MORC3: variants seen among roughly 807,000 people sequenced by gnomAD.
MORC3 encodes MORC family CW-type zinc finger 3.
In MORC3, 31 loss-of-function variants were observed where a neutral mutation model predicts 109.1. The observed-to-expected ratio is 0.28, with a 90% CI of 0.21 to 0.38. The LOEUF (loss-of-function observed/expected upper bound fraction) is 0.38, where lower values mean the gene tolerates loss of function less well. MORC3 is among the 10% of genes least tolerant of loss of function. MORC3 has a pLI of 1.00. For synonymous variants in MORC3, 395 were observed against 380.7 expected (o/e 1.04, Z -0.44); for missense variants, 867 against 1,135.8 (o/e 0.76, Z 3.40).
chr21:36,363,560 T>C (rs917818513), intron 13 of MORC3, among the ~76,000 whole-genome samples: 9 of 152,376 alleles, frequency 5.9e-5, no homozygotes, highest in East Asian at 3.9e-4. Context: ...TGACAGTCTG[T>C]TTTATCATAA....
chr21:36,343,641 G>T (rs751240593), intron 6 of MORC3, among the ~76,000 whole-genome samples: 1 of 150,444 alleles, frequency 6.6e-6, no homozygotes, highest in African/African-American at 2.4e-5. Flanking sequence ...TAGAGACAGG[G>T]TTTCACTATG....
rs532301653 is a variant in MORC3, at chr21:36,333,432, C to T, written c.40-214C>T. 6 of 564,792 alleles carry T rather than the reference C, an allele frequency of 1.1e-5. No individual in the cohort carries two copies. The East Asian group carries it at 1.8e-4, about 16-fold the overall frequency. The allele number at this position is 564,792 out of a possible 1,614,324, so 35.0% of individuals were successfully genotyped here. On this transcript the variant is annotated intron_variant, in intron 1 of 16. Transcript: ENST00000400485. ...ACATAAAGAGGGCAAGGGTTTTGAACCAAGTCTTGGTGAGTAAGCTGTTTA... is the reference window on the plus strand; with the variant it reads ...ACATAAAGAGGGCAAGGGTTTTGAATCAAGTCTTGGTGAGTAAGCTGTTTA...
At position 36,351,003 on chromosome 21, in the gene MORC3, C is replaced by T. The variant is rs553859276; in HGVS notation, c.1103+1595C>T. Reference sequence around the variant, plus strand: ...TTAGGAACATTCCAATTTTACTCTTCTAGTTACTTTGAAATATATATATAA... The same window carrying T: ...TTAGGAACATTCCAATTTTACTCTTTTAGTTACTTTGAAATATATATATAA... On this transcript the variant is annotated intron_variant, in intron 9 of 16. Transcript: ENST00000400485. 6.9e-5 allele frequency among the ~76,000 whole-genome samples: 10 copies of T among 144,736 alleles called. No homozygotes were observed. The South Asian group carries it at 2.2e-3, about 32-fold the overall frequency. The allele number at this position is 144,736 out of a possible 152,430, so 95.0% of individuals were successfully genotyped here.
intron 1 of MORC3, among the ~76,000 whole-genome samples, chr21:36,326,372 A>G (rs1423163265): frequency 6.6e-6 from 1 of 152,038 alleles, no homozygotes; most frequent in Non-Finnish European, 1.5e-5. Flanking sequence ...AAAAATAAAA[A>G]AAAATTAGCC....
intron 1 of MORC3, among the ~76,000 whole-genome samples, chr21:36,323,898 G>C (rs549126521): frequency 6.7e-6 from 1 of 150,312 alleles, no homozygotes; most frequent in African/African-American, 2.4e-5. Flanking sequence ...TTTTAGAGAC[G>C]GAGTTTCGCT....
chr21:36,356,552 A>G (rs1173708371), intron 9 of MORC3, 68 bp from the exon 10 acceptor site: 3 of 997,462 alleles, frequency 3.0e-6, no homozygotes, highest in East Asian at 5.1e-5. Context: ...CTATGTACTC[A>G]TTACTAGATT....
chr21:36,324,065 G>A (rs2085221943), intron 1 of MORC3, among the ~76,000 whole-genome samples: 1 of 151,778 alleles, frequency 6.6e-6, no homozygotes, highest in South Asian at 2.1e-4. Flanking sequence ...AGTAGAGATG[G>A]GGTTTCTCCA....
rs745842823 is a variant in MORC3, at chr21:36,334,621, CA to C, written c.112+907del. ...GGCAGAATTATGTTTATTAGTAGTA[CA>C]AAAGTATGTGTAACATACAGCATGG... On this transcript the variant is annotated intron_variant, in intron 2 of 16. Transcript: ENST00000400485. Among the ~76,000 whole-genome samples, 13 of 151,990 alleles carry C rather than the reference CA, an allele frequency of 8.6e-5. No homozygotes were observed. In the South Asian group the frequency reaches 2.1e-3, roughly 24 times the overall value.
Position 36,362,168 on chromosome 21 carries a change from A to C in MORC3, c.1407-15A>C. 1 of 1,612,554 alleles carries C rather than the reference A, an allele frequency of 6.2e-7. No homozygotes were observed. The highest frequency in any genetic ancestry group is 1.1e-5 in the South Asian group (1 of 90,832). ...ATTGAGAAATAACAACATGTTTTTC[A>C]TCTTTATTTTAAAGCAACAAGGAAA... On this transcript the variant is annotated splice_polypyrimidine_tract_variant and intron_variant, in intron 12 of 16. Transcript: ENST00000400485.
intron 1 of MORC3, among the ~76,000 whole-genome samples, chr21:36,332,516 G>T (rs1017139143): frequency 1.3e-5 from 2 of 152,176 alleles, no homozygotes; most frequent in African/African-American, 4.8e-5. Flanking sequence ...AATATTTATG[G>T]ACAAAACAAA....
At chr21:36,373,623 CAA>C (rs924131996) in intron 16 of MORC3, among the ~76,000 whole-genome samples, 4 of 117,394 alleles carry the variant, frequency 3.4e-5, no homozygotes, top group Non-Finnish European at 3.7e-5. Context: ...AACTCCGTCT[CAA>C]AAAAAAAAAA....
Position 36,352,847 on chromosome 21 carries a change from G to A in MORC3, c.1103+3439G>A, listed in dbSNP as rs766320403. ...AAGCTGGGAATGGTGGCACACATCT[G>A]TAGTCCCAGCTACTCAGGATGCTCG... On this transcript the variant is annotated intron_variant, in intron 9 of 16. Coordinates refer to ENST00000400485, the MANE Select transcript of MORC3 (RefSeq NM_015358.3). Among the ~76,000 whole-genome samples, 60 of 151,952 alleles carry A rather than the reference G, an allele frequency of 3.9e-4. 2 individuals carry two copies. The highest frequency in any genetic ancestry group is 1.3e-4 in the Non-Finnish European group (9 of 68,018).
intron 2 of MORC3, 114 bp from the exon 3 acceptor site, chr21:36,336,760 G>A (rs1601516317): frequency 9.4e-7 from 1 of 1,063,426 alleles, no homozygotes; most frequent in South Asian, 2.8e-5. Context: ...AAAAATTGCA[G>A]CTTTTAAAGT....
At chr21:36,338,004 C>T (rs1882854902) in intron 4 of MORC3, 58 bp downstream of exon 4, 19 of 1,566,286 alleles carry the variant, frequency 1.2e-5, no homozygotes, top group Non-Finnish European at 1.6e-5. Context: ...AATTTGGAAA[C>T]ATTCTATGTT....
chr21:36,320,336 TC>T, intron 1 of MORC3, 33 bp downstream of exon 1: 1 of 1,290,934 alleles, frequency 7.7e-7, no homozygotes. Flanking sequence ...GCGGGCCGTG[TC>T]CCAGGAGGGC....
At chr21:36,351,520 A>C (rs919685808) in intron 9 of MORC3, among the ~76,000 whole-genome samples, 11 of 152,188 alleles carry the variant, frequency 7.2e-5, no homozygotes, top group African/African-American at 2.7e-4. Flanking sequence ...ATGGATGAGA[A>C]CATGAGATAT....
intron 15 of MORC3, among the ~76,000 whole-genome samples, chr21:36,371,338 A>G (rs775806103): frequency 1.7e-4 from 26 of 152,178 alleles, no homozygotes; most frequent in Admixed American, 1.4e-3. Context: ...TCCTCAACTT[A>G]TGATGGTGTC....
At chr21:36,351,405 C>T (rs903692513) in intron 9 of MORC3, among the ~76,000 whole-genome samples, 19 of 152,042 alleles carry the variant, frequency 1.2e-4, no homozygotes, top group Admixed American at 6.6e-4. Context: ...TATCTTATTC[C>T]TTCTAATTAA....
chr21:36,364,811 G>A (rs2085760426), intron 14 of MORC3, among the ~76,000 whole-genome samples: 1 of 151,274 alleles, frequency 6.6e-6, no homozygotes, highest in African/African-American at 2.4e-5. Context: ...CAGCACTTTG[G>A]GAGGCCGAGG....
Sources: gnomAD v4.1 joint callset for allele counts (sites outside exome capture counted in the v4.1 genomes callset) on GRCh38, gnomAD v4.1.1 for gene constraint, MANE v1.5 for transcripts, NCBI Gene and HGNC (gene_info 2026-07-23, HGNC 2026-07-21) for gene names.